Variants in FAM107B observed in about 807,000 individuals in gnomAD.
FAM107B encodes the protein family with sequence similarity 107 member B.
A neutral mutation model predicts 31.5 loss-of-function variants in FAM107B; 21 were observed. That is an observed-to-expected ratio of 0.67 (90% CI 0.47 to 0.96). The LOEUF (loss-of-function observed/expected upper bound fraction) is 0.96. FAM107B is among the 40% of genes least tolerant of loss of function. FAM107B has a pLI of 0.00. For synonymous variants in FAM107B, 157 were observed against 141.5 expected, an observed-to-expected ratio of 1.11 and a Z score of -0.78; for missense variants, 452 against 377.1, an observed-to-expected ratio of 1.20 and a Z score of -1.64.
At chr10:14,703,996 A>T (rs1454622820) in intron 1 of FAM107B, among the ~76,000 whole-genome samples, 2 of 152,182 alleles carry the variant, frequency 1.3e-5, no homozygotes, top group African/African-American at 4.8e-5. Context: ...TTTGGACAGA[A>T]AACTGGGTTC....
At chr10:14,572,404 T>G in intron 2 of FAM107B, 3 of 985,288 alleles carry the variant, frequency 3.0e-6, no homozygotes, top group Non-Finnish European at 3.6e-6. Flanking sequence ...AACCTCCAAT[T>G]GGAGGAGGAC....
intron 1 of FAM107B, among the ~76,000 whole-genome samples, chr10:14,724,305 G>A (rs1260124175): frequency 1.3e-5 from 2 of 152,158 alleles, no homozygotes; most frequent in African/African-American, 2.4e-5. Context: ...GGGTCCAACA[G>A]TCTTCTTTTG....
chr10:14,680,329 T>G (rs903710683), intron 1 of FAM107B, among the ~76,000 whole-genome samples: 1 of 152,052 alleles, frequency 6.6e-6, no homozygotes, highest in Non-Finnish European at 1.5e-5. Flanking sequence ...ATTCTAGCAC[T>G]TTGGGAGGCT....
intron 1 of FAM107B, among the ~76,000 whole-genome samples, chr10:14,696,862 G>A (rs1855278376): frequency 6.6e-6 from 1 of 152,158 alleles, no homozygotes; most frequent in African/African-American, 2.4e-5. Context: ...TGTGCCCAGG[G>A]ACACTGTGGT....
intron 1 of FAM107B, among the ~76,000 whole-genome samples, chr10:14,673,445 T>C (rs1854607485): frequency 6.6e-6 from 1 of 152,232 alleles, no homozygotes; most frequent in African/African-American, 2.4e-5. Context: ...GGCTCATCTA[T>C]GTTGCTGCGA....
At chr10:14,646,789 CTTTTTTT>C (rs369557470) in intron 2 of FAM107B, among the ~76,000 whole-genome samples, 1 of 86,770 alleles carries the variant, frequency 1.2e-5, no homozygotes, top group South Asian at 4.6e-4. Context: ...CCATTTTCTC[CTTTTTTT>C]TTTTTTTTTT....
chr10:14,672,293 G>A (rs1053991251), intron 1 of FAM107B, among the ~76,000 whole-genome samples: 1 of 151,954 alleles, frequency 6.6e-6, no homozygotes, highest in South Asian at 2.1e-4. Context: ...TCACCATGTT[G>A]GTCAAGCTGG....
intron 2 of FAM107B, among the ~76,000 whole-genome samples, chr10:14,531,207 G>A (rs1846954471): frequency 6.6e-6 from 1 of 152,162 alleles, no homozygotes; most frequent in African/African-American, 2.4e-5. Context: ...CCACCGCTGT[G>A]CCACATGTAT....
At chr10:14,749,895 C>G (rs1333474408) in intron 1 of FAM107B, among the ~76,000 whole-genome samples, 1 of 152,196 alleles carries the variant, frequency 6.6e-6, no homozygotes, top group Non-Finnish European at 1.5e-5. Context: ...AGAATGAAAC[C>G]TAAGGTCAGA....
At chr10:14,651,762 A>G (rs1853905884) in intron 2 of FAM107B, among the ~76,000 whole-genome samples, 1 of 152,218 alleles carries the variant, frequency 6.6e-6, no homozygotes, top group Non-Finnish European at 1.5e-5. Flanking sequence ...TAATAGGCGA[A>G]TAGATAATCT....
intron 1 of FAM107B, among the ~76,000 whole-genome samples, chr10:14,676,349 G>A (rs1854682747): frequency 6.6e-6 from 1 of 152,046 alleles, no homozygotes; most frequent in African/African-American, 2.4e-5. Context: ...TAGTTTTCCA[G>A]GGAATCTCTT....
intron 2 of FAM107B, among the ~76,000 whole-genome samples, chr10:14,543,726 G>A (rs1414328166): frequency 2.7e-5 from 4 of 148,900 alleles, no homozygotes; most frequent in Non-Finnish European, 4.4e-5. Context: ...ACTCTCATAT[G>A]GTGAAGCTTA....
intron 2 of FAM107B, among the ~76,000 whole-genome samples, chr10:14,581,369 G>A (rs934274135): frequency 1.2e-4 from 19 of 152,336 alleles, no homozygotes; most frequent in African/African-American, 4.6e-4. Context: ...GGTGCCACGA[G>A]GGAAGCGGCT....
At chr10:14,725,877 G>A (rs1379395366) in intron 1 of FAM107B, among the ~76,000 whole-genome samples, 15 of 137,172 alleles carry the variant, frequency 1.1e-4, no homozygotes, top group Admixed American at 5.1e-4. Flanking sequence ...CCAGGCTGGA[G>A]TGCAGTGGCA....
chr10:14,673,697 T>C (rs1426718217), intron 1 of FAM107B, among the ~76,000 whole-genome samples: 1 of 152,218 alleles, frequency 6.6e-6, no homozygotes, highest in Non-Finnish European at 1.5e-5. Flanking sequence ...TTTTTAGTTT[T>C]TGGAGAAAAC....
intron 1 of FAM107B, among the ~76,000 whole-genome samples, chr10:14,677,045 G>A (rs1004454832): frequency 1.3e-5 from 2 of 152,130 alleles, no homozygotes; most frequent in Admixed American, 1.3e-4. Flanking sequence ...CCTTCATCAA[G>A]ACTTTATTGT....
chr10:14,621,703 A>T (rs1853014241), intron 2 of FAM107B, among the ~76,000 whole-genome samples: 1 of 152,240 alleles, frequency 6.6e-6, no homozygotes, highest in Non-Finnish European at 1.5e-5. Flanking sequence ...GAAGAGAGGA[A>T]GGAGCATAAA....
chr10:14,656,024 C>A (rs978044141), intron 2 of FAM107B, among the ~76,000 whole-genome samples: 1 of 152,136 alleles, frequency 6.6e-6, no homozygotes, highest in Admixed American at 6.5e-5. Context: ...CGGCCATGCA[C>A]TCCAACTTCA....
intron 2 of FAM107B, among the ~76,000 whole-genome samples, chr10:14,571,115 C>T (rs929575824): frequency 2.0e-5 from 3 of 152,068 alleles, no homozygotes; most frequent in Admixed American, 1.3e-4. Context: ...GGCACACAGC[C>T]ACCTTCTGGC....
Sources: allele counts gnomAD v4.1 joint callset (sites outside exome capture counted in the v4.1 genomes callset), GRCh38; gene constraint gnomAD v4.1.1; transcripts MANE v1.5; gene names NCBI Gene and HGNC (gene_info 2026-07-23, HGNC 2026-07-21).